Variants in CHAF1B observed in about 807,000 individuals in gnomAD.
CHAF1B encodes CAF-1 subunit B.
Under a neutral mutation model 60.7 loss-of-function variants are expected in CHAF1B, and 10 were observed. The observed-to-expected ratio is 0.16, with a 90% CI of 0.10 to 0.28. The LOEUF (loss-of-function observed/expected upper bound fraction) is 0.28, where lower values mean the gene tolerates loss of function less well. Ranked by LOEUF, CHAF1B falls within the 10% of genes least tolerant of loss-of-function variation. CHAF1B has a pLI of 1.00. For synonymous variants in CHAF1B, 261 were observed against 266.1 expected (o/e 0.98, Z 0.19); for missense variants, 558 against 708.4 (o/e 0.79, Z 2.41).
At chr21:36,386,291 G>T (rs747714663) in intron 2 of CHAF1B, 29 bp downstream of exon 2, 4 of 1,610,070 alleles carry the variant, frequency 2.5e-6, no homozygotes, top group Admixed American at 3.4e-5. Context: ...AGACATCCGG[G>T]AACACTGCTT....
intron 9 of CHAF1B, 127 bp from the exon 10 acceptor site, chr21:36,409,247 T>A: frequency 3.2e-6 from 2 of 617,982 alleles, no homozygotes; most frequent in Non-Finnish European, 5.7e-6. Flanking sequence ...GTGATCCGCC[T>A]GCCTCCTCCT....
chr21:36,391,907 ATTTTT>A (rs55920360), intron 4 of CHAF1B, among the ~76,000 whole-genome samples: 1 of 67,052 alleles, frequency 1.5e-5, no homozygotes, highest in Admixed American at 2.0e-4. Context: ...TGATTTTTAA[ATTTTT>A]TTTTTTTTTT....
rs747533741 is a variant in CHAF1B at position 36,418,017 on chromosome 21, AT to A, written c.*1664del. The A allele has an allele frequency of 0.024, 3,438 of 143,880 alleles. 59 individuals carry two copies. The highest frequency in any genetic ancestry group is 0.047 in the Admixed American group (675 of 14,434). The allele number at this position is 143,880 out of a possible 1,614,324, so 8.9% of individuals were successfully genotyped here. On this transcript the variant is annotated 3_prime_UTR_variant, in exon 14 of 14. Transcript: ENST00000314103. ...GGTTAAATGCATTTCCACTGAAAGC[AT>A]TTTTTTTTTTTTCCGAGACAGAGTC...
At chr21:36,413,462 AGT>A (rs1386592221) in intron 12 of CHAF1B, 147 bp downstream of exon 12, 3 of 783,214 alleles carry the variant, frequency 3.8e-6, no homozygotes, top group African/African-American at 3.5e-5. Context: ...CAAATCCGAG[AGT>A]GTCATTTCTT....
chr21:36,396,261 A>C (rs1440003082), intron 5 of CHAF1B, among the ~76,000 whole-genome samples: 1 of 149,700 alleles, frequency 6.7e-6, no homozygotes, highest in Admixed American at 6.7e-5. Context: ...CGGCCTCCCA[A>C]AGTGCTGGGA....
At chr21:36,411,813 C>T (rs1272460225) in intron 11 of CHAF1B, among the ~76,000 whole-genome samples, 1 of 152,138 alleles carries the variant, frequency 6.6e-6, no homozygotes, top group Non-Finnish European at 1.5e-5. Context: ...ACTGCAACCT[C>T]CACCTCCCAG....
chr21:36,400,738 G>A (rs148007534), intron 7 of CHAF1B, among the ~76,000 whole-genome samples: 1 of 152,292 alleles, frequency 6.6e-6, no homozygotes, highest in African/African-American at 2.4e-5. Flanking sequence ...CAGAGACCCA[G>A]CCAAAACACT....
chr21:36,403,039 G>A (rs1179518374), intron 8 of CHAF1B, among the ~76,000 whole-genome samples, 188 bp downstream of exon 8: 2 of 152,172 alleles, frequency 1.3e-5, no homozygotes, highest in African/African-American at 4.8e-5. Flanking sequence ...CCTAGAGATT[G>A]TAGTGTATGT....
intron 9 of CHAF1B, 25 bp from the exon 10 acceptor site, chr21:36,409,349 C>T: frequency 6.3e-7 from 1 of 1,592,318 alleles, no homozygotes; most frequent in East Asian, 2.2e-5. Flanking sequence ...AGTGCCTTTT[C>T]CTAACACTGC....
At chr21:36,389,798 T>TGCGCGC (rs1389760338) in intron 3 of CHAF1B, among the ~76,000 whole-genome samples, 71 of 97,616 alleles carry the variant, frequency 7.3e-4, no homozygotes, top group African/African-American at 3.5e-3. Flanking sequence ...TGTGTGTGTG[T>TGCGCGC]GTGCGCGCGC....
At chr21:36,386,518 C>T (rs2086036055) in intron 2 of CHAF1B, among the ~76,000 whole-genome samples, 1 of 152,092 alleles carries the variant, frequency 6.6e-6, no homozygotes, top group Non-Finnish European at 1.5e-5. Context: ...GTGAGAGGAT[C>T]GCTTGAGCCT....
At chr21:36,401,797 G>A (rs751246845) in intron 7 of CHAF1B, among the ~76,000 whole-genome samples, 18 of 151,690 alleles carry the variant, frequency 1.2e-4, no homozygotes, top group Middle Eastern at 3.4e-3. Flanking sequence ...CTGGAGTGCA[G>A]TGGCACGATC....
chr21:36,385,892 G>A (rs1433575598), intron 1 of CHAF1B, among the ~76,000 whole-genome samples, 168 bp from the exon 2 acceptor site: 1 of 152,244 alleles, frequency 6.6e-6, no homozygotes, highest in East Asian at 1.9e-4. Flanking sequence ...ACTTGTGGAT[G>A]TCAGGACCCA....
At chr21:36,405,234 T>C (rs2086228657) in intron 8 of CHAF1B, among the ~76,000 whole-genome samples, 1 of 152,190 alleles carries the variant, frequency 6.6e-6, no homozygotes. Flanking sequence ...GGATTGTATT[T>C]CTAGAAAATC....
chr21:36,397,403 T>A lies in CHAF1B; in HGVS notation c.482-12T>A. On this transcript the variant is annotated splice_polypyrimidine_tract_variant and intron_variant, in intron 5 of 13. Coordinates refer to ENST00000314103, the MANE Select transcript of CHAF1B (RefSeq NM_005441.3). ...TGCTGTTTTGGTGCGTGTGTGTGTG[T>A]TTTTTTTGTAGGACAAAAGATATCA... 2 of 1,411,308 alleles carry A rather than the reference T, an allele frequency of 1.4e-6. No homozygotes were observed. The highest frequency in any genetic ancestry group is 9.7e-7 in the Non-Finnish European group (1 of 1,027,256). 87.4% of individuals were successfully genotyped at this position (1,411,308 alleles called of 1,614,324 possible). A position where few individuals can be genotyped will look rare whatever the true frequency, so the allele number is the denominator to read the frequency against.
chr21:36,409,646 A>G (rs2086262280), intron 10 of CHAF1B, among the ~76,000 whole-genome samples, 181 bp downstream of exon 10: 2 of 151,960 alleles, frequency 1.3e-5, no homozygotes, highest in Non-Finnish European at 2.9e-5. Flanking sequence ...TTTTGAGACC[A>G]GGTTATCAGC....
rs1054556397 is a variant in CHAF1B, at chr21:36,415,586, T to A, written c.1588+197T>A. On this transcript the variant is annotated intron_variant, in intron 13 of 13. Transcript: ENST00000314103. Reference sequence around the variant, plus strand: ...CACCTGGCCAGTGAGAGCATCCTGGTGAGCCAGGGAGTGGGTTCAGCAGGA... The same window carrying A: ...CACCTGGCCAGTGAGAGCATCCTGGAGAGCCAGGGAGTGGGTTCAGCAGGA... Among the ~76,000 whole-genome samples the A allele has an allele frequency of 2.0e-5, 3 of 152,124 alleles. No individual in the cohort carries two copies. The South Asian group carries it at 6.2e-4, about 32-fold the overall frequency.
chr21:36,400,009 T>A (rs1601562416), intron 7 of CHAF1B, among the ~76,000 whole-genome samples: 2 of 152,158 alleles, frequency 1.3e-5, no homozygotes, highest in South Asian at 4.1e-4. Flanking sequence ...CCAAACCCCA[T>A]CTCAATGAAT....
chr21:36,397,719 CTT>C (rs397866716), intron 6 of CHAF1B: 1,062 of 133,742 alleles, frequency 7.9e-3, no homozygotes, highest in South Asian at 0.026. Flanking sequence ...CTTAGTAAAT[CTT>C]TTTTTTTTTT....
Sources: gnomAD v4.1 joint callset for allele counts (sites outside exome capture counted in the v4.1 genomes callset) on GRCh38, gnomAD v4.1.1 for gene constraint, MANE v1.5 for transcripts, NCBI Gene and HGNC (gene_info 2026-07-23, HGNC 2026-07-21) for gene names.